The following CSMD1 variants were observed in gnomAD, a reference collection of about 807,000 sequenced individuals.
CSMD1 encodes the protein CUB and Sushi multiple domains 1.
In CSMD1, 213 loss-of-function variants were observed where a neutral mutation model predicts 417.5. The observed-to-expected ratio is 0.51, with a 90% CI of 0.46 to 0.57. The LOEUF is 0.57. Ranked by LOEUF, CSMD1 falls within the 20% of genes least tolerant of loss-of-function variation. CSMD1 has a pLI of 0.00. For synonymous variants in CSMD1, 2,862 were observed against 1,736.8 expected (o/e 1.65, Z -16.11); for missense variants, 6,923 against 4,529.7 (o/e 1.53, Z -15.17).
chr8:4,180,128 A>G (rs532267059), intron 3 of CSMD1, among the ~76,000 whole-genome samples: 8 of 152,096 alleles, frequency 5.3e-5, no homozygotes, highest in South Asian at 4.1e-4. Flanking sequence ...ACATTCACAC[A>G]TATGTTTACT....
chr8:4,452,022 G>A (rs772937924), intron 2 of CSMD1, among the ~76,000 whole-genome samples: 6 of 151,280 alleles, frequency 4.0e-5, no homozygotes, highest in Non-Finnish European at 5.9e-5. Flanking sequence ...TCTTTAGGCA[G>A]CCTGCCTTCT....
intron 6 of CSMD1, among the ~76,000 whole-genome samples, chr8:3,749,097 G>A (rs1298643219): frequency 6.6e-6 from 1 of 152,136 alleles, no homozygotes; most frequent in Non-Finnish European, 1.5e-5. Flanking sequence ...CATGGTTCAA[G>A]ATTAATATAT....
intron 1 of CSMD1, among the ~76,000 whole-genome samples, chr8:4,759,895 T>G (rs1811931601): frequency 6.6e-6 from 1 of 152,224 alleles, no homozygotes; most frequent in Non-Finnish European, 1.5e-5. Flanking sequence ...GTATTTATAA[T>G]AGCATGACTT....
chr8:4,845,915 C>G (rs1007980743), intron 1 of CSMD1, among the ~76,000 whole-genome samples: 1 of 151,886 alleles, frequency 6.6e-6, no homozygotes, highest in African/African-American at 2.4e-5. Context: ...CAAGGTTACG[C>G]TAGCCTATGA....
intron 2 of CSMD1, among the ~76,000 whole-genome samples, chr8:4,560,085 G>C (rs953466792): frequency 6.6e-5 from 10 of 152,206 alleles, no homozygotes; most frequent in Admixed American, 3.3e-4. Context: ...CAGAGGCCTC[G>C]TGCTTGGGCC....
chr8:4,134,730 C>G (rs1211068540), intron 3 of CSMD1, among the ~76,000 whole-genome samples: 2 of 152,216 alleles, frequency 1.3e-5, no homozygotes, highest in Non-Finnish European at 2.9e-5. Flanking sequence ...CTACAAGAGT[C>G]TCCTCCTGAC....
intron 5 of CSMD1, among the ~76,000 whole-genome samples, chr8:3,961,371 A>C (rs760868287): frequency 1.5e-4 from 23 of 152,230 alleles, no homozygotes; most frequent in Non-Finnish European, 2.6e-4. Context: ...AAGGATTCTG[A>C]TTATCTAGAC....
intron 1 of CSMD1, among the ~76,000 whole-genome samples, chr8:4,835,543 G>C (rs893482721): frequency 6.6e-6 from 1 of 152,170 alleles, no homozygotes; most frequent in African/African-American, 2.4e-5. Flanking sequence ...AGCAACCTGA[G>C]GGTGGTTAAG....
intron 2 of CSMD1, among the ~76,000 whole-genome samples, chr8:4,507,605 G>A (rs911308945): frequency 1.3e-5 from 2 of 152,080 alleles, no homozygotes; most frequent in African/African-American, 4.8e-5. Flanking sequence ...GGCCATTGGT[G>A]GAAACATCTA....
intron 8 of CSMD1, among the ~76,000 whole-genome samples, chr8:3,608,466 T>C (rs1473762863): frequency 1.3e-5 from 2 of 152,100 alleles, no homozygotes; most frequent in African/African-American, 4.8e-5. Flanking sequence ...TTTGAAATTA[T>C]ATATTAAAAA....
chr8:3,709,723 T>C, intron 6 of CSMD1, among the ~76,000 whole-genome samples: 1 of 145,724 alleles, frequency 6.9e-6, no homozygotes, highest in South Asian at 2.2e-4. Flanking sequence ...TGCTTTCTGC[T>C]TTCTGACTGG....
chr8:3,614,045 T>C (rs772935732), intron 8 of CSMD1, among the ~76,000 whole-genome samples: 4 of 151,860 alleles, frequency 2.6e-5, no homozygotes, highest in Admixed American at 6.6e-5. Context: ...AGCTACTATA[T>C]AACTAGCTTG....
intron 3 of CSMD1, among the ~76,000 whole-genome samples, chr8:4,158,268 C>T (rs866830690): frequency 3.9e-5 from 6 of 151,902 alleles, no homozygotes; most frequent in African/African-American, 1.2e-4. Flanking sequence ...CTGCAGACAT[C>T]GGGAAGACTA....
chr8:4,697,847 C>T (rs1807239018), intron 1 of CSMD1, among the ~76,000 whole-genome samples: 1 of 152,146 alleles, frequency 6.6e-6, no homozygotes, highest in Non-Finnish European at 1.5e-5. Context: ...AATTAGTAAA[C>T]TGCTTGATAT....
intron 5 of CSMD1, among the ~76,000 whole-genome samples, chr8:3,925,178 A>G (rs62480128): frequency 0.098 from 14,877 of 152,208 alleles, 752 homozygotes; most frequent in South Asian, 0.16. Context: ...AGAAATTATG[A>G]GAAAAGAAAT....
intron 3 of CSMD1, among the ~76,000 whole-genome samples, chr8:4,352,521 C>G (rs956732844): frequency 1.3e-5 from 2 of 152,136 alleles, no homozygotes; most frequent in African/African-American, 2.4e-5. Flanking sequence ...ATGAAATTTT[C>G]CAGTTGCAAA....
chr8:3,707,455 A>T (rs997057247), intron 7 of CSMD1, among the ~76,000 whole-genome samples: 3 of 152,210 alleles, frequency 2.0e-5, no homozygotes, highest in Non-Finnish European at 4.4e-5. Context: ...ATTGCCAGGG[A>T]AGCATAGAAA....
intron 44 of CSMD1, among the ~76,000 whole-genome samples, 169 bp from the exon 45 acceptor site, chr8:3,107,967 T>A (rs1240479941): frequency 6.6e-6 from 1 of 152,216 alleles, no homozygotes; most frequent in Non-Finnish European, 1.5e-5. Flanking sequence ...CAAATGTTCA[T>A]ATTATTATTT....
At chr8:3,366,888 C>T in intron 20 of CSMD1, 144 bp downstream of exon 20, 1 of 703,464 alleles carries the variant, frequency 1.4e-6, no homozygotes, top group Non-Finnish European at 2.5e-6. Context: ...CCTCCTGCAC[C>T]CCATTAGTTG....
Sources: allele counts gnomAD v4.1 joint callset (sites outside exome capture counted in the v4.1 genomes callset), GRCh38; gene constraint gnomAD v4.1.1; transcripts MANE v1.5; gene names NCBI Gene and HGNC (gene_info 2026-07-23, HGNC 2026-07-21).